The following ERI1 variants were observed in gnomAD, a reference collection of about 807,000 sequenced individuals.
ERI1 encodes the protein exoribonuclease 1, also known as 3'-5' exoribonuclease 1.
A neutral mutation model predicts 39.7 loss-of-function variants in ERI1; 39 were observed. The ratio of observed to expected loss-of-function variants is 0.98; its 90% CI spans 0.76 to 1.28. The LOEUF is 1.28. Ranked by LOEUF, ERI1 falls within the 50% of genes most tolerant of loss-of-function variation. The pLI is 0.00. For missense variants in ERI1, 581 were observed against 416.9 expected (o/e 1.39, Z -3.43); for synonymous variants, 204 against 149.6 (o/e 1.36, Z -2.65).
chr8:9,050,437 G>C (rs1798320122), intron 3 of ERI1, among the ~76,000 whole-genome samples: 1 of 150,850 alleles, frequency 6.6e-6, no homozygotes, highest in Non-Finnish European at 1.5e-5. Flanking sequence ...AACCTAGGAA[G>C]TCGATGTTGC....
chr8:9,072,617 GTTCT>G (rs933385505), intron 3 of ERI1: 1 of 150,764 alleles, frequency 6.6e-6, no homozygotes, highest in Non-Finnish European at 1.5e-5. Context: ...ACTAATCTAT[GTTCT>G]TTCTTTAAAA....
intron 3 of ERI1, among the ~76,000 whole-genome samples, chr8:9,073,978 G>A (rs576428499): frequency 2.0e-5 from 3 of 152,078 alleles, no homozygotes; most frequent in Admixed American, 6.6e-5. Context: ...TACAGAGGAG[G>A]TCTTGCTATG....
chr8:9,024,585 C>G lies in ERI1; in HGVS notation c.807+4121C>G, dbSNP rs182726210. On this transcript the variant is annotated intron_variant, in intron 6 of 6. Transcript: ENST00000250263. The stretch of plus-strand genomic sequence containing the variant: ...ACAGGTGCCTCCCACCATGCCTGGA[C>G]TAATTTTATTGTATTTTTAGTAGAG... Among the ~76,000 whole-genome samples, 454 of 152,010 alleles carry G rather than the reference C, an allele frequency of 3.0e-3. 2 individuals are homozygous for G. Among genetic ancestry groups the G allele is most frequent in the African/African-American group, 0.011 (437 of 41,482 alleles).
At chr8:9,056,717 G>T (rs1798520792) in intron 3 of ERI1, among the ~76,000 whole-genome samples, 1 of 152,164 alleles carries the variant, frequency 6.6e-6, no homozygotes, top group Admixed American at 6.5e-5. Context: ...GTAGTAGCTG[G>T]AAAATTGTTG....
intron 1 of ERI1, among the ~76,000 whole-genome samples, chr8:9,005,780 C>G (rs1815948676): frequency 6.6e-6 from 1 of 152,206 alleles, no homozygotes. Flanking sequence ...AGGCGTGAGC[C>G]AACGCGCCCG....
chr8:9,051,273 G>A (rs1158248744), intron 3 of ERI1, among the ~76,000 whole-genome samples: 1 of 152,002 alleles, frequency 6.6e-6, no homozygotes, highest in Non-Finnish European at 1.5e-5. Flanking sequence ...TTGCTGGTGG[G>A]GACTCTGTGG....
At chr8:9,087,455 G>A (rs1799567555) in intron 3 of ERI1, among the ~76,000 whole-genome samples, 1 of 146,670 alleles carries the variant, frequency 6.8e-6, no homozygotes. Flanking sequence ...TAGAGACAGG[G>A]TTTCAACATG....
intron 3 of ERI1, among the ~76,000 whole-genome samples, chr8:9,095,329 A>G (rs1033040663): frequency 2.0e-5 from 3 of 152,120 alleles, no homozygotes; most frequent in Admixed American, 6.5e-5. Flanking sequence ...TACCCAGTAG[A>G]TATCTTTTCA....
chr8:9,003,472 T>TGTCA (rs1815597897), intron 1 of ERI1, among the ~76,000 whole-genome samples: 1 of 152,244 alleles, frequency 6.6e-6, no homozygotes, highest in Admixed American at 6.5e-5. Flanking sequence ...CGGTTGCTGT[T>TGTCA]GTCACTCCAT....
chr8:9,045,201 A>C (rs1798138141), intron 3 of ERI1, among the ~76,000 whole-genome samples: 1 of 138,920 alleles, frequency 7.2e-6, no homozygotes, highest in Admixed American at 8.0e-5. Flanking sequence ...GCGCCACTGC[A>C]CTCCAGCCTG....
At chr8:9,075,611 A>C (rs989342956) in intron 3 of ERI1, among the ~76,000 whole-genome samples, 1 of 151,908 alleles carries the variant, frequency 6.6e-6, no homozygotes, top group African/African-American at 2.4e-5. Context: ...GTTGCTTCTA[A>C]AGAGACTTAC....
intron 3 of ERI1, among the ~76,000 whole-genome samples, chr8:9,043,427 G>C (rs1563352441): frequency 6.6e-6 from 1 of 152,184 alleles, no homozygotes; most frequent in African/African-American, 2.4e-5. Flanking sequence ...CAAGCATGTA[G>C]AGGCCAGGCC....
chr8:9,093,517 A>G (rs1033749074), intron 3 of ERI1, among the ~76,000 whole-genome samples: 23 of 150,804 alleles, frequency 1.5e-4, no homozygotes, highest in African/African-American at 5.4e-4. Flanking sequence ...AAAAAAAAAA[A>G]AAAAAGAAGA....
intron 3 of ERI1, among the ~76,000 whole-genome samples, chr8:9,044,683 A>C (rs1798124143): frequency 6.6e-6 from 1 of 152,052 alleles, no homozygotes; most frequent in Non-Finnish European, 1.5e-5. Flanking sequence ...AAGAGAAGCA[A>C]TCGTTTACCA....
At chr8:9,021,728 G>A (rs1168359843) in intron 6 of ERI1, among the ~76,000 whole-genome samples, 1 of 144,556 alleles carries the variant, frequency 6.9e-6, no homozygotes, top group South Asian at 2.2e-4. Context: ...CTGGCTTTGA[G>A]CACGATATAA....
chr8:9,032,439 A>T lies in ERI1; in HGVS notation c.*2405A>T, dbSNP rs1378424382. ...AGTATATAATAGAGCATTACATTTTATCTTTATTTGTGTTCTGTTGGATCA... is the reference window on the plus strand; with the variant it reads ...AGTATATAATAGAGCATTACATTTTTTCTTTATTTGTGTTCTGTTGGATCA... On this transcript the variant is annotated 3_prime_UTR_variant, in exon 7 of 7. Transcript: ENST00000250263. 6.6e-6 allele frequency: 1 copy of T among 152,044 alleles called. No homozygotes were observed. Among genetic ancestry groups the T allele is most frequent in the Non-Finnish European group, 1.5e-5 (1 of 68,014 alleles). The allele number at this position is 152,044 out of a possible 1,614,324, so 9.4% of individuals were successfully genotyped here. A position where few individuals can be genotyped will look rare whatever the true frequency, so the allele number is the denominator to read the frequency against.
At chr8:9,027,659 G>C (rs750184174) in intron 6 of ERI1, among the ~76,000 whole-genome samples, 34 of 152,076 alleles carry the variant, frequency 2.2e-4, no homozygotes, top group Non-Finnish European at 3.8e-4. Flanking sequence ...TTGTTATATG[G>C]TGTAAGGTAA....
intron 2 of ERI1, among the ~76,000 whole-genome samples, chr8:9,011,324 A>G (rs149335234): frequency 9.8e-5 from 15 of 152,326 alleles, no homozygotes; most frequent in African/African-American, 2.9e-4. Flanking sequence ...ATAAAAAAAG[A>G]CTTGTGAAGG....
chr8:9,047,276 T>A (rs1273478040), intron 3 of ERI1, among the ~76,000 whole-genome samples: 1 of 152,112 alleles, frequency 6.6e-6, no homozygotes, highest in Non-Finnish European at 1.5e-5. Context: ...TTCGGGTGAG[T>A]TGGTGAGCTC....
Sources: allele counts gnomAD v4.1 joint callset (sites outside exome capture counted in the v4.1 genomes callset), GRCh38; gene constraint gnomAD v4.1.1; transcripts MANE v1.5; gene names NCBI Gene and HGNC (gene_info 2026-07-23, HGNC 2026-07-21).